The following SRPRB variants were observed in gnomAD, a reference collection of about 807,000 sequenced individuals.
SRPRB encodes the protein signal recognition particle receptor subunit beta.
SRPRB carries 20 observed loss-of-function variants against 31.9 expected under a neutral mutation model. That is an observed-to-expected ratio of 0.63 (90% CI 0.44 to 0.91). The LOEUF is 0.91. Ranked by LOEUF, SRPRB falls within the 40% of genes least tolerant of loss-of-function variation. SRPRB has a pLI of 0.00. For synonymous variants in SRPRB, 146 were observed against 132.8 expected (o/e 1.10, Z -0.68); for missense variants, 321 against 324.9 (o/e 0.99, Z 0.09).
chr3:133,805,896 G>GGGCACCTTCCAGCCCTACCTA lies in SRPRB; in HGVS notation c.50_70dup (p.Gly17_Leu23dup). 1 of 1,613,670 alleles carries GGGCACCTTCCAGCCCTACCTA rather than the reference G, an allele frequency of 6.2e-7. No individual in the cohort carries two copies. The highest frequency in any genetic ancestry group is 8.5e-7 in the Non-Finnish European group (1 of 1,179,722). The stretch of plus-strand genomic sequence containing the variant: ...GGGTGGCAGATGGCGGCGGTGCCGG[G>GGGCACCTTCCAGCCCTACCTA]GGCACCTTCCAGCCCTACCTAGACA... On this transcript the variant is annotated inframe_insertion, in exon 1 of 7. Transcript: ENST00000678299.
intron 1 of SRPRB, chr3:133,785,054 G>A (rs1934625844): frequency 8.3e-6 from 1 of 120,264 alleles, no homozygotes; most frequent in Non-Finnish European, 1.8e-5. Flanking sequence ...GGGCGCCTCT[G>A]CCCGGCCGCC....
intron 2 of SRPRB, among the ~76,000 whole-genome samples, chr3:133,807,368 C>G (rs1191853393): frequency 6.6e-6 from 1 of 151,332 alleles, no homozygotes; most frequent in South Asian, 2.1e-4. Context: ...ATTCTCCCAC[C>G]TCAGCCTCCG....
At chr3:133,810,048 A>G (rs1013024566) in intron 3 of SRPRB, among the ~76,000 whole-genome samples, 4 of 152,148 alleles carry the variant, frequency 2.6e-5, no homozygotes, top group Non-Finnish European at 5.9e-5. Context: ...TTTAGATAGT[A>G]ATATACCTAG....
chr3:133,804,267 T>C (rs1359566445), upstream of SRPRB, among the ~76,000 whole-genome samples: 1 of 151,968 alleles, frequency 6.6e-6, no homozygotes, highest in African/African-American at 2.4e-5. Flanking sequence ...CCAGTTCCTC[T>C]CTTTTTCCTT....
intron 5 of SRPRB, 65 bp downstream of exon 5, chr3:133,815,791 T>G (rs1459294672): frequency 6.4e-7 from 1 of 1,563,286 alleles, no homozygotes; most frequent in East Asian, 2.2e-5. Context: ...TAAGAATTAT[T>G]TCCATTATTT....
chr3:133,806,619 G>A lies in SRPRB; in HGVS notation c.165G>A (p.Lys55=). 1 of 1,614,086 alleles carries A rather than the reference G, an allele frequency of 6.2e-7. No homozygotes were observed. Among genetic ancestry groups the A allele is most frequent in the Non-Finnish European group, 8.5e-7 (1 of 1,179,938 alleles). ...CTGTCTATTCCACAGTCTTCTGGAA[G>A]TTAATCCGGAGCAGAAGGAGCAGTC... The part of the protein sequence containing the change: ...LAVLLTLVFW[K]LIRSRRSSQR... The change falls in exon 2 of 7, where the codon AAG becomes AAA. Residue 55 remains lysine, a synonymous_variant. Transcript: ENST00000678299.
At chr3:133,817,627 C>T (rs1935389328) in intron 6 of SRPRB, among the ~76,000 whole-genome samples, 4 of 152,142 alleles carry the variant, frequency 2.6e-5, no homozygotes, top group African/African-American at 9.7e-5. Context: ...AAATGATCAA[C>T]ATTTATAGTA....
intron 2 of SRPRB, among the ~76,000 whole-genome samples, chr3:133,807,143 A>AT (rs1475567658): frequency 6.6e-6 from 1 of 151,288 alleles, no homozygotes; most frequent in African/African-American, 2.4e-5. Context: ...TACATTTAGT[A>AT]TTTTTAACAG....
intron 4 of SRPRB, among the ~76,000 whole-genome samples, chr3:133,814,871 T>G (rs1335828425): frequency 6.6e-6 from 1 of 152,216 alleles, no homozygotes; most frequent in East Asian, 1.9e-4. Context: ...TGCTTCTAGT[T>G]CAAGCGCCCT....
chr3:133,803,670 T>C (rs953705375), upstream of SRPRB, among the ~76,000 whole-genome samples: 1 of 151,852 alleles, frequency 6.6e-6, no homozygotes, highest in African/African-American at 2.4e-5. Flanking sequence ...CTTTTTTTTT[T>C]TTCCTTTTTT....
intron 6 of SRPRB, among the ~76,000 whole-genome samples, 167 bp from the exon 7 acceptor site, chr3:133,819,386 T>C (rs1363663363): frequency 7.5e-5 from 11 of 146,002 alleles, no homozygotes. Flanking sequence ...CACCTCTCTG[T>C]CCAAGAGAGG....
Position 133,815,713 on chromosome 3 carries a change from C to G in SRPRB, c.534C>G (p.Ala178=). Residue 178 remains alanine, a synonymous_variant, in exon 5 of 7, where the codon GCC becomes GCG. Coordinates refer to ENST00000678299, the MANE Select transcript of SRPRB (RefSeq NM_001379313.1). The stretch of plus-strand genomic sequence containing the variant: ...AGAATACACCATCATTCTTAATAGC[C>G]TGCAATAAGCAAGGTGCCATCATGT... ...GLKNTPSFLI[A]CNKQDIAMAK... 10 of 1,613,060 alleles carry G rather than the reference C, an allele frequency of 6.2e-6. No homozygotes were observed. The highest frequency in any genetic ancestry group is 8.5e-6 in the Non-Finnish European group (10 of 1,179,404).
Position 133,815,740 on chromosome 3 carries a change from T to C in SRPRB, c.547+14T>C. 6.2e-7 allele frequency: 1 copy of C among 1,610,282 alleles called. No homozygotes were observed. Among genetic ancestry groups the C allele is most frequent in the Admixed American group, 1.7e-5 (1 of 59,718 alleles). On this transcript the variant is annotated intron_variant, in intron 5 of 6. Coordinates refer to ENST00000678299, the MANE Select transcript of SRPRB (RefSeq NM_001379313.1). ...GCAATAAGCAAGGTGCCATCATGTTTTCTTGCAATAATAATTGAGTTTTTT... is the reference window on the plus strand; with the variant it reads ...GCAATAAGCAAGGTGCCATCATGTTCTCTTGCAATAATAATTGAGTTTTTT...
chr3:133,805,933 G>A lies in SRPRB; in HGVS notation c.85G>A (p.Glu29Lys). 1 of 1,614,072 alleles carries A rather than the reference G, an allele frequency of 6.2e-7. No homozygotes were observed. The highest frequency in any genetic ancestry group is 8.5e-7 in the Non-Finnish European group (1 of 1,179,928). ...FQPYLDTLRQ[E>K]LQQTDPTLLS... The stretch of plus-strand genomic sequence containing the variant: ...GCCCTACCTAGACACCTTGCGGCAG[G>A]AGCTGCAGCAGACGGACCCAACGCT... The change falls in exon 1 of 7, where the codon GAG becomes AAG. Residue 29 changes from glutamate (E) to lysine (K), a missense_variant. Glu to Lys is a moderately conservative substitution (Grantham distance 56). Coordinates refer to ENST00000678299, the MANE Select transcript of SRPRB (RefSeq NM_001379313.1).
intron 2 of SRPRB, 60 bp from the exon 3 acceptor site, chr3:133,807,686 T>C (rs1004750833): frequency 9.2e-5 from 102 of 1,114,580 alleles, no homozygotes; most frequent in Non-Finnish European, 1.2e-4. Flanking sequence ...TAGAATAATA[T>C]AACTCAATTT....
intron 4 of SRPRB, 82 bp downstream of exon 4, chr3:133,811,281 G>A: frequency 6.9e-7 from 1 of 1,442,960 alleles, no homozygotes; most frequent in Non-Finnish European, 9.7e-7. Context: ...CTCTGGTGGT[G>A]TTTGGGAGGC....
chr3:133,789,298 T>C (rs563568281), intron 1 of SRPRB: 1 of 152,446 alleles, frequency 6.6e-6, no homozygotes, highest in Admixed American at 6.5e-5. Context: ...TATCCAGGCT[T>C]TGGTGCTGCT....
chr3:133,788,977 G>A (rs1435848247), intron 1 of SRPRB: 3 of 152,222 alleles, frequency 2.0e-5, no homozygotes, highest in Non-Finnish European at 4.4e-5. Flanking sequence ...GATGCTAAAC[G>A]CCAGTGATTA....
chr3:133,815,766 G>C, intron 5 of SRPRB, 40 bp downstream of exon 5: 1 of 1,598,396 alleles, frequency 6.3e-7, no homozygotes, highest in Admixed American at 1.7e-5. Context: ...TGAGTTTTTT[G>C]GGGATTGCTG....
Sources: allele counts gnomAD v4.1 joint callset (sites outside exome capture counted in the v4.1 genomes callset), GRCh38; gene constraint gnomAD v4.1.1; transcripts MANE v1.5; gene names NCBI Gene and HGNC (gene_info 2026-07-23, HGNC 2026-07-21).